GLOD4: variants seen among roughly 807,000 people sequenced by gnomAD.
The protein encoded by GLOD4 is glyoxalase domain containing 4.
Under a neutral mutation model 39.1 loss-of-function variants are expected in GLOD4, and 44 were observed. That is an observed-to-expected ratio of 1.13 (90% confidence interval 0.88 to 1.45). GLOD4 has a LOEUF of 1.45. Among genes scored for constraint, GLOD4 ranks in the 40% most tolerant of loss-of-function variants. GLOD4 has a pLI of 0.00. For synonymous variants in GLOD4, 145 were observed against 135.0 expected, an observed-to-expected ratio of 1.07 and a Z score of -0.52; for missense variants, 405 against 366.4, an observed-to-expected ratio of 1.11 and a Z score of -0.86.
At chr17:762,336 C>G (rs529857539) in intron 8 of GLOD4, among the ~76,000 whole-genome samples, 1 of 152,236 alleles carries the variant, frequency 6.6e-6, no homozygotes, top group African/African-American at 2.4e-5. Context: ...ATCACAGACA[C>G]GCTGTACTGT....
At chr17:782,129 G>T in intron 1 of GLOD4, 37 bp downstream of exon 1, 1 of 1,508,898 alleles carries the variant, frequency 6.6e-7, no homozygotes, top group Non-Finnish European at 9.0e-7. Flanking sequence ...GCCGGTTCCA[G>T]CCTCGCGCGC....
intron 8 of GLOD4, among the ~76,000 whole-genome samples, chr17:767,314 T>C (rs34021262): frequency 0.035 from 5,332 of 152,326 alleles, 149 homozygotes; most frequent in Admixed American, 0.092. Flanking sequence ...CAACAACTAC[T>C]TTGAATGCTT....
chr17:760,636 A>T (rs994391162), intron 8 of GLOD4, among the ~76,000 whole-genome samples: 1 of 152,206 alleles, frequency 6.6e-6, no homozygotes, highest in African/African-American at 2.4e-5. Context: ...GACGCTCAAG[A>T]ATCTTTAGTG....
chr17:783,856 A>G (rs1277964950), upstream of GLOD4, among the ~76,000 whole-genome samples: 3 of 152,140 alleles, frequency 2.0e-5, no homozygotes, highest in African/African-American at 7.2e-5. Flanking sequence ...TATTCCTCAA[A>G]CCTTCTATTT....
At chr17:777,361 G>A in intron 2 of GLOD4, 1 of 181,000 alleles carries the variant, frequency 5.5e-6, no homozygotes, top group Non-Finnish European at 1.2e-5. Flanking sequence ...TTAAGAGATG[G>A]ACGGGCGTGG....
intron 8 of GLOD4, among the ~76,000 whole-genome samples, chr17:766,296 T>G (rs1906543892): frequency 6.7e-6 from 1 of 148,824 alleles, no homozygotes; most frequent in African/African-American, 2.5e-5. Flanking sequence ...AGACCCCGTC[T>G]TAAAAAAAAA....
chr17:778,937 A>G, intron 1 of GLOD4, 193 bp from the exon 2 acceptor site: 1 of 578,650 alleles, frequency 1.7e-6, no homozygotes, highest in Non-Finnish European at 3.1e-6. Context: ...ACCAAGGGTC[A>G]GGCTACCAAA....
At chr17:783,215 A>G (rs763073565), upstream of GLOD4, 27 of 1,614,130 alleles carry the variant, frequency 1.7e-5, no homozygotes, top group Admixed American at 1.0e-4. Flanking sequence ...TTAGCCGTCT[A>G]GAATACCTAA....
At chr17:761,107 G>A (rs1485569571) in intron 8 of GLOD4, among the ~76,000 whole-genome samples, 1 of 152,220 alleles carries the variant, frequency 6.6e-6, no homozygotes, top group Non-Finnish European at 1.5e-5. Flanking sequence ...GCTTTGAGGA[G>A]TGTGCAGAAC....
intron 8 of GLOD4, among the ~76,000 whole-genome samples, chr17:761,653 C>T (rs1905454697): frequency 6.6e-6 from 1 of 152,102 alleles, no homozygotes; most frequent in Non-Finnish European, 1.5e-5. Flanking sequence ...TACAGGCGTA[C>T]ACCACCGTGC....
chr17:780,274 C>T (rs961305039), intron 1 of GLOD4, among the ~76,000 whole-genome samples: 4 of 152,212 alleles, frequency 2.6e-5, no homozygotes, highest in African/African-American at 9.6e-5. Flanking sequence ...CCATCACCAC[C>T]CTGTTTAAGA....
At chr17:766,981 C>T (rs1906689255) in intron 8 of GLOD4, among the ~76,000 whole-genome samples, 1 of 152,190 alleles carries the variant, frequency 6.6e-6, no homozygotes, top group African/African-American at 2.4e-5. Context: ...GAGAGGATGA[C>T]AGATTCTACT....
rs747473177 is a variant in GLOD4, at chr17:770,471, C to CCA, written c.578_579dup (p.Asp194TrpfsTer22). 6.3e-7 allele frequency: 1 copy of CCA among 1,595,128 alleles called. No individual in the cohort carries two copies. The highest frequency in any genetic ancestry group is 1.7e-5 in the Admixed American group (1 of 59,998). On this transcript the variant is annotated frameshift_variant, in exon 6 of 9. Coordinates refer to ENST00000301329, the MANE Select transcript of GLOD4 (RefSeq NM_016080.4). LOFTEE classifies it high-confidence loss of function. Reference sequence around the variant, plus strand: ...ATTCTTCCAAAAGCTGCTGCATGGTCCACCCCACCCTTGACGCCCTGTAGC... The same window carrying CCA: ...ATTCTTCCAAAAGCTGCTGCATGGTCCACACCCCACCCTTGACGCCCTGTAGC...
At position 776,674 on chromosome 17, in the gene GLOD4, G is replaced by A. The variant is rs554593823; in HGVS notation, c.261+194C>T. Among the ~76,000 whole-genome samples, 15 of 152,254 alleles carry A rather than the reference G, an allele frequency of 9.9e-5. No homozygotes were observed. The East Asian group carries it at 2.7e-3, about 27-fold the overall frequency. On this transcript the variant is annotated intron_variant, in intron 3 of 8. Coordinates refer to ENST00000301329, the MANE Select transcript of GLOD4 (RefSeq NM_016080.4). ...TCCTCGAACACGCCAGATGTTACCTGACGGCTCTTGCCAGAATATTCTCTG... is the reference window on the plus strand; with the variant it reads ...TCCTCGAACACGCCAGATGTTACCTAACGGCTCTTGCCAGAATATTCTCTG...
upstream of GLOD4, chr17:783,233 G>T (rs536970721): frequency 8.1e-6 from 13 of 1,614,102 alleles, no homozygotes; most frequent in African/African-American, 1.3e-5. Context: ...TAAAGGAGTT[G>T]CCAGTCGATA....
intron 1 of GLOD4, 167 bp from the exon 2 acceptor site, chr17:778,911 G>C (rs1909396616): frequency 3.4e-6 from 2 of 587,222 alleles, no homozygotes; most frequent in Admixed American, 3.1e-5. Context: ...AGCAGTGGAA[G>C]GACGAACAGC....
Position 760,161 on chromosome 17 carries a change from T to A in GLOD4, c.*12A>T. ...AGGAATCACAGAGGCTTGCTCTGCA[T>A]CATGTCTTCCGTTAACCTGAAGCTT... On this transcript the variant is annotated 3_prime_UTR_variant, in exon 9 of 9. Transcript: ENST00000301329. The A allele has an allele frequency of 6.5e-7, 1 of 1,537,256 alleles. No homozygotes were observed. Among genetic ancestry groups the A allele is most frequent in the Non-Finnish European group, 9.0e-7 (1 of 1,109,732 alleles).
intron 8 of GLOD4, chr17:764,264 T>G (rs1030018236): frequency 1.3e-5 from 2 of 152,144 alleles, no homozygotes; most frequent in Non-Finnish European, 2.9e-5. Flanking sequence ...AAACATCAGC[T>G]GGGCATAGTG....
upstream of GLOD4, among the ~76,000 whole-genome samples, chr17:785,860 ATT>A (rs1910507670): frequency 6.6e-6 from 1 of 152,210 alleles, no homozygotes; most frequent in Non-Finnish European, 1.5e-5. Flanking sequence ...CCTATAAACT[ATT>A]TTTTAAAAGC....
Sources: gnomAD v4.1 joint callset for allele counts (sites outside exome capture counted in the v4.1 genomes callset) on GRCh38, gnomAD v4.1.1 for gene constraint, MANE v1.5 for transcripts, NCBI Gene and HGNC (gene_info 2026-07-23, HGNC 2026-07-21) for gene names.